The following SAFB variants were observed in gnomAD, a reference collection of about 807,000 sequenced individuals.
The protein encoded by SAFB is scaffold attachment factor B1.
A neutral mutation model predicts 101.6 loss-of-function variants in SAFB; 15 were observed. That is an observed-to-expected ratio of 0.15 (90% CI 0.10 to 0.23). The LOEUF (loss-of-function observed/expected upper bound fraction) is 0.23. SAFB is among the 10% of genes least tolerant of loss of function. The pLI is 1.00. For synonymous variants in SAFB, 449 were observed against 407.5 expected (o/e 1.10, Z -1.23); for missense variants, 930 against 1,104.1 (o/e 0.84, Z 2.23).
chr19:5,653,882 C>T (rs928628365), intron 11 of SAFB, among the ~76,000 whole-genome samples, 179 bp from the exon 12 acceptor site: 22 of 151,290 alleles, frequency 1.5e-4, no homozygotes, highest in African/African-American at 4.6e-4. Context: ...CTCAGCCTCC[C>T]GATTTGCTTG....
chr19:5,654,230 G>T, intron 12 of SAFB, 30 bp downstream of exon 12: 1 of 1,613,034 alleles, frequency 6.2e-7, no homozygotes. Context: ...AGGAGATTCT[G>T]TCTTGTTTCT....
In SAFB at chr19:5,623,438, TC is replaced by T. The variant is rs768969263; in HGVS notation, c.189+46del. 11 of 1,534,326 alleles carry T rather than the reference TC, an allele frequency of 7.2e-6. No individual in the cohort carries two copies. In the Admixed American group the frequency reaches 2.1e-4, roughly 30 times the overall value. ...GGGCGGGCACAGGGTGGGTCTGGGG[TC>T]CTCTTGGCCGCGACGGTGGCTCGCG... On this transcript the variant is annotated intron_variant, in intron 1 of 20. Transcript: ENST00000588852.
At chr19:5,627,126 T>A (rs952047697) in intron 2 of SAFB, among the ~76,000 whole-genome samples, 2 of 150,808 alleles carry the variant, frequency 1.3e-5, no homozygotes, top group African/African-American at 4.9e-5. Context: ...AATGACCTAA[T>A]GATTGCACCA....
Position 5,652,180 on chromosome 19 carries a change from G to A in SAFB, c.1294-935G>A, listed in dbSNP as rs369292054. Among the ~76,000 whole-genome samples the A allele has an allele frequency of 7.9e-4, 119 of 151,244 alleles. 1 individual carries two copies. The highest frequency in any genetic ancestry group is 2.8e-3 in the African/African-American group (117 of 41,200). ...TGCACTCCAGCCTGGGACAGAGCAA[G>A]ACTCCATCTTAAAAAAAGAAAAAAA... is the stretch of plus-strand genomic sequence containing the variant. On this transcript the variant is annotated intron_variant, in intron 9 of 20. Transcript: ENST00000588852.
At position 5,649,329 on chromosome 19, in the gene SAFB, G is replaced by C; in HGVS notation, c.978G>C (p.Glu326Asp). The C allele has an allele frequency of 2.7e-6, 1 of 374,852 alleles. No individual in the cohort carries two copies. Among genetic ancestry groups the C allele is most frequent in the South Asian group, 2.5e-5 (1 of 40,528 alleles). 23.2% of individuals were successfully genotyped at this position (374,852 alleles called of 1,614,324 possible). The change falls in exon 7 of 21, where the codon GAG becomes GAC. Residue 326 changes from glutamate (E) to aspartate (D), a missense_variant. By Grantham distance (45) the Glu-to-Asp change is conservative. Transcript: ENST00000588852. ...PAVEQSSAAS[E>D]LAEASSEELA... ...TTGAGCAGAGTAGTGCGGCCTCCGA[G>C]CTCGCGGAGGCCTCTAGCGAGGAGC...
intron 2 of SAFB, among the ~76,000 whole-genome samples, chr19:5,636,524 TA>T (rs765404084): frequency 9.9e-5 from 15 of 152,080 alleles, no homozygotes; most frequent in Non-Finnish European, 1.9e-4. Flanking sequence ...ATCAGTTTGA[TA>T]GTCCCCTATC....
At position 5,664,045 on chromosome 19, in the gene SAFB, A is replaced by C. The variant is rs1272048502; in HGVS notation, c.2177A>C (p.Glu726Ala). Residue 726 changes from glutamate (E) to alanine (A), a missense_variant, in exon 16 of 21, where the codon GAA becomes GCA. Coordinates refer to ENST00000588852, the MANE Select transcript of SAFB (RefSeq NM_001201338.2). The stretch of plus-strand genomic sequence containing the variant: ...AGGCGAGATGATGCCTATTGGCCGG[A>C]AGCCAAGCGGGCCGCCCTGGATGAG... ...LDRRDDAYWP[E>A]AKRAALDERY... 4.3e-6 allele frequency: 7 copies of C among 1,614,020 alleles called. No individual in the cohort carries two copies. Among genetic ancestry groups the C allele is most frequent in the Non-Finnish European group, 5.9e-6 (7 of 1,180,012 alleles).
intron 7 of SAFB, 99 bp from the exon 8 acceptor site, chr19:5,649,817 TCAGAACTAAA>T: frequency 2.0e-6 from 2 of 1,008,118 alleles, no homozygotes; most frequent in South Asian, 1.4e-5. Flanking sequence ...TATCATTTTT[TCAGAACTAAA>T]TTTCGGGTAG....
chr19:5,626,736 A>AGCGGTCCTTAAATAAGGAGTCTTTTT lies in SAFB; in HGVS notation c.274+272_274+273insTGCGGTCCTTAAATAAGGAGTCTTTT, dbSNP rs1184617461. On this transcript the variant is annotated intron_variant, in intron 2 of 20. Transcript: ENST00000588852. Reference sequence around the variant, plus strand: ...TATTCATTTTCCTCTGTAGATTGTCAGCGGTCCTTAAATAAGGAGTCTTTT... The same window carrying AGCGGTCCTTAAATAAGGAGTCTTTTT: ...TATTCATTTTCCTCTGTAGATTGTCAGCGGTCCTTAAATAAGGAGTCTTTTTGCGGTCCTTAAATAAGGAGTCTTTT... Among the ~76,000 whole-genome samples the AGCGGTCCTTAAATAAGGAGTCTTTTT allele has an allele frequency of 2.8e-4, 42 of 152,328 alleles. 1 individual carries two copies. Among genetic ancestry groups the AGCGGTCCTTAAATAAGGAGTCTTTTT allele is most frequent in the African/African-American group, 9.6e-4 (40 of 41,568 alleles).
Position 5,641,838 on chromosome 19 carries a change from T to C in SAFB, c.438T>C (p.Asp146=), listed in dbSNP as rs2053721235. 1 of 1,614,034 alleles carries C rather than the reference T, an allele frequency of 6.2e-7. No homozygotes were observed. Among genetic ancestry groups the C allele is most frequent in the South Asian group, 1.1e-5 (1 of 91,078 alleles). The change falls in exon 4 of 21, where the codon GAT becomes GAC. Residue 146 remains aspartate, a synonymous_variant. Coordinates refer to ENST00000588852, the MANE Select transcript of SAFB (RefSeq NM_001201338.2). ...AAATTGATAATGGAAGCGTTGCAGA[T>C]TGTGTCGAAGACGATGATGCTGATA... ...EAEIDNGSVA[D]CVEDDDADNL... is the part of the protein sequence containing the mutation.
chr19:5,648,128 A>T (rs1475190712), intron 6 of SAFB, 85 bp downstream of exon 6: 1 of 1,147,482 alleles, frequency 8.7e-7, no homozygotes, highest in Non-Finnish European at 1.3e-6. Flanking sequence ...TTTGATTTTT[A>T]AAAGTTACCT....
In SAFB at chr19:5,667,000, G is replaced by A. The variant is rs753411033; in HGVS notation, c.2335-46G>A. 2.3e-5 allele frequency: 28 copies of A among 1,199,206 alleles called. No homozygotes were observed. In the East Asian group the frequency reaches 2.8e-4, roughly 12 times the overall value. 74.3% of individuals were successfully genotyped at this position (1,199,206 alleles called of 1,614,324 possible). ...GCCTGAAAAGCCTTGGGGTCTGGGC[G>A]CTGACACTGAAGCTTTTTTTTCCCT... On this transcript the variant is annotated intron_variant, in intron 17 of 20. Transcript: ENST00000588852.
chr19:5,631,581 T>C (rs1200709016), intron 2 of SAFB, among the ~76,000 whole-genome samples: 3 of 152,250 alleles, frequency 2.0e-5, no homozygotes, highest in East Asian at 1.9e-4. Context: ...GCATATCTCA[T>C]GTAATCTCAG....
In SAFB at chr19:5,668,356, A is replaced by G; in HGVS notation, c.*65A>G. 6.5e-7 allele frequency: 1 copy of G among 1,528,264 alleles called. No homozygotes were observed. The highest frequency in any genetic ancestry group is 8.7e-7 in the Non-Finnish European group (1 of 1,146,104). The allele number at this position is 1,528,264 out of a possible 1,614,324, so 94.7% of individuals were successfully genotyped here. A position where few individuals can be genotyped will look rare whatever the true frequency, so the allele number is the denominator to read the frequency against. ...TATGTTCTGTTAGGAGTTACCTTAA[A>G]CTGTGTAAAAATATTTTTTTTTAAT... On this transcript the variant is annotated 3_prime_UTR_variant, in exon 21 of 21. Transcript: ENST00000588852.
At chr19:5,654,614 C>T (rs1360519632) in intron 13 of SAFB, among the ~76,000 whole-genome samples, 158 bp downstream of exon 13, 2 of 152,216 alleles carry the variant, frequency 1.3e-5, no homozygotes, top group African/African-American at 4.8e-5. Flanking sequence ...GACAGGTTCT[C>T]ACTCTGTTGC....
chr19:5,653,762 C>G (rs557411399), intron 11 of SAFB, among the ~76,000 whole-genome samples: 1 of 148,352 alleles, frequency 6.7e-6, no homozygotes, highest in Non-Finnish European at 1.5e-5. Flanking sequence ...CATGCCTGGC[C>G]GGGGCAGGGT....
At chr19:5,650,408 T>A (rs2053911821) in intron 8 of SAFB, among the ~76,000 whole-genome samples, 1 of 152,184 alleles carries the variant, frequency 6.6e-6, no homozygotes. Flanking sequence ...CTCCTGTAAT[T>A]AAGCGATCGC....
intron 13 of SAFB, among the ~76,000 whole-genome samples, chr19:5,655,024 C>G (rs1007552702): frequency 6.6e-6 from 1 of 152,174 alleles, no homozygotes; most frequent in Non-Finnish European, 1.5e-5. Context: ...CCTGTCTACC[C>G]TGAAAGTGTC....
chr19:5,661,372 T>C lies in SAFB; in HGVS notation c.1863-146T>C, dbSNP rs557073354. 6.8e-5 allele frequency: 97 copies of C among 1,431,080 alleles called. No homozygotes were observed. The African/African-American group carries it at 9.6e-4, about 14-fold the overall frequency. The allele number at this position is 1,431,080 out of a possible 1,614,324, so 88.6% of individuals were successfully genotyped here. ...CTGCTCCTGTGGGCCCGAGAAGCCT[T>C]CTTCCCGCTGGAGTGTACGGTTCTG... On this transcript the variant is annotated intron_variant, in intron 14 of 20. Transcript: ENST00000588852.
Sources: allele counts gnomAD v4.1 joint callset (sites outside exome capture counted in the v4.1 genomes callset), GRCh38; gene constraint gnomAD v4.1.1; transcripts MANE v1.5; gene names NCBI Gene and HGNC (gene_info 2026-07-23, HGNC 2026-07-21).